Variants in LRRC7 observed in about 807,000 individuals in gnomAD.
LRRC7 encodes leucine-rich repeat-containing protein 7.
LRRC7 carries 23 observed loss-of-function variants against 175.7 expected under a neutral mutation model. That is an observed-to-expected ratio of 0.13 (90% confidence interval 0.09 to 0.19). The LOEUF (loss-of-function observed/expected upper bound fraction) is 0.19, where lower values mean the gene tolerates loss of function less well. Ranked by LOEUF, LRRC7 falls within the 10% of genes least tolerant of loss-of-function variation. The pLI, the probability that LRRC7 is intolerant of heterozygous loss-of-function variation, is 1.00. For synonymous variants in LRRC7, 685 were observed against 680.9 expected, an observed-to-expected ratio of 1.01 and a Z score of -0.09; for missense variants, 1,354 against 1,904.7, an observed-to-expected ratio of 0.71 and a Z score of 5.38.
chr1:69,890,616 T>A (rs1645805031), intron 7 of LRRC7, among the ~76,000 whole-genome samples: 1 of 152,242 alleles, frequency 6.6e-6, no homozygotes, highest in Admixed American at 6.5e-5. Flanking sequence ...GAAGCTTTGA[T>A]GGCAGGCATT....
rs1666622495 is a variant in LRRC7 at position 70,130,578 on chromosome 1, A to G, written c.*8691A>G. On this transcript the variant is annotated 3_prime_UTR_variant, in exon 27 of 27. Coordinates refer to ENST00000651989, the MANE Select transcript of LRRC7 (RefSeq NM_001370785.2). ...TTTTCTGCTGTGTTTCAGCAGTTAC[A>G]TTTAATTTTCCTTTTGTGTGTTCTA... is the stretch of plus-strand genomic sequence containing the variant. Among the ~76,000 whole-genome samples, 1 of 152,164 alleles carries G rather than the reference A, an allele frequency of 6.6e-6. No individual in the cohort carries two copies. The highest frequency in any genetic ancestry group is 6.5e-5 in the Admixed American group (1 of 15,274).
intron 8 of LRRC7, among the ~76,000 whole-genome samples, chr1:69,955,865 T>C (rs1190109562): frequency 6.6e-6 from 1 of 151,960 alleles, no homozygotes; most frequent in Admixed American, 6.6e-5. Flanking sequence ...CAATTAGCCC[T>C]CAAATGAGGG....
chr1:69,821,753 G>A (rs1679320598), intron 4 of LRRC7, among the ~76,000 whole-genome samples: 1 of 151,962 alleles, frequency 6.6e-6, no homozygotes, highest in Non-Finnish European at 1.5e-5. Context: ...AAATTAGCCT[G>A]GTGTGTTGGT....
At chr1:69,963,150 A>G (rs1256359961) in intron 8 of LRRC7, among the ~76,000 whole-genome samples, 1 of 151,642 alleles carries the variant, frequency 6.6e-6, no homozygotes, top group Non-Finnish European at 1.5e-5. Context: ...CTAAAAATAC[A>G]AAAAATTAGC....
chr1:70,039,353 C>T lies in LRRC7; in HGVS notation c.3529C>T (p.Pro1177Ser), dbSNP rs760477435. The change falls in exon 21 of 27, where the codon CCA (proline) becomes TCA (serine). Residue 1177 changes from proline (P) to serine (S), a missense_variant. Transcript: ENST00000651989. ...GGTCAATGAGCCTCATGAGCTGCCC[C>T]CAACTGATAGGTACGGCAGACCCCC... The part of the protein sequence containing the change: ...RRVNEPHELP[P>S]TDRYGRPPYR... 9 of 1,614,048 alleles carry T rather than the reference C, an allele frequency of 5.6e-6. No individual in the cohort carries two copies. The highest frequency in any genetic ancestry group is 4.5e-5 in the East Asian group (2 of 44,856).
intron 8 of LRRC7, among the ~76,000 whole-genome samples, chr1:69,966,744 A>AT (rs1399200537): frequency 6.6e-6 from 1 of 152,220 alleles, no homozygotes; most frequent in Non-Finnish European, 1.5e-5. Context: ...ACAGAAGAAG[A>AT]TTCTGACCTT....
At chr1:70,020,956 G>C in intron 15 of LRRC7, 49 bp from the exon 16 acceptor site, 2 of 1,524,164 alleles carry the variant, frequency 1.3e-6, no homozygotes, top group Non-Finnish European at 1.8e-6. Flanking sequence ...AATACTTTGT[G>C]TAAAATTGTT....
intron 11 of LRRC7, among the ~76,000 whole-genome samples, chr1:69,996,342 A>AT (rs1157573344): frequency 8.6e-5 from 13 of 151,986 alleles, no homozygotes; most frequent in African/African-American, 3.1e-4. Flanking sequence ...ATTTTCTCCC[A>AT]TTTTGTAGGT....
At chr1:70,076,018 C>CT in intron 23 of LRRC7, 59 bp from the exon 24 acceptor site, 1 of 1,585,670 alleles carries the variant, frequency 6.3e-7, no homozygotes, top group Non-Finnish European at 8.6e-7. Context: ...GTGCTTTCTA[C>CT]TTTAATCACA....
At chr1:69,595,700 T>TGG (rs1294006523) in intron 1 of LRRC7, among the ~76,000 whole-genome samples, 2 of 152,186 alleles carry the variant, frequency 1.3e-5, no homozygotes, top group African/African-American at 4.8e-5. Context: ...ATGTCAGATG[T>TGG]GGTGAAATGA....
chr1:69,853,605 C>A (rs183392699), intron 7 of LRRC7, among the ~76,000 whole-genome samples: 2 of 152,088 alleles, frequency 1.3e-5, no homozygotes, highest in East Asian at 3.9e-4. Context: ...AATTTTAAAT[C>A]ATTTCTGATA....
chr1:69,610,507 A>G (rs1648535225), intron 1 of LRRC7, among the ~76,000 whole-genome samples: 1 of 151,958 alleles, frequency 6.6e-6, no homozygotes, highest in Non-Finnish European at 1.5e-5. Flanking sequence ...TTCTATGTCT[A>G]TGATTACTAG....
chr1:69,624,466 T>G (rs1176187787), intron 1 of LRRC7, among the ~76,000 whole-genome samples: 2 of 152,112 alleles, frequency 1.3e-5, no homozygotes, highest in South Asian at 4.1e-4. Flanking sequence ...ACTCCATAAT[T>G]TGTTTTTTCC....
Position 70,125,525 on chromosome 1 carries a change from G to T in LRRC7, c.*3638G>T, listed in dbSNP as rs1004330242. Among the ~76,000 whole-genome samples the T allele has an allele frequency of 6.6e-6, 1 of 152,160 alleles. No homozygotes were observed. The highest frequency in any genetic ancestry group is 1.5e-5 in the Non-Finnish European group (1 of 68,022). ...TAAAGAGAGAGGGCCGGGCGCGGTG[G>T]CTCACGCCTGTAATCCCAGCACTTT... On this transcript the variant is annotated 3_prime_UTR_variant, in exon 27 of 27. Coordinates refer to ENST00000651989, the MANE Select transcript of LRRC7 (RefSeq NM_001370785.2).
At chr1:69,987,273 T>C (rs1169344051) in intron 10 of LRRC7, among the ~76,000 whole-genome samples, 1 of 152,170 alleles carries the variant, frequency 6.6e-6, no homozygotes, top group Non-Finnish European at 1.5e-5. Context: ...AAAGTTTATA[T>C]GAGTAAAATA....
chr1:69,791,248 A>G (rs371521888), intron 3 of LRRC7, among the ~76,000 whole-genome samples: 22 of 152,144 alleles, frequency 1.4e-4, no homozygotes, highest in African/African-American at 5.1e-4. Flanking sequence ...TCAAAATATG[A>G]TACTGCAAAC....
At chr1:69,591,174 T>A (rs184013325) in intron 1 of LRRC7, among the ~76,000 whole-genome samples, 1 of 152,206 alleles carries the variant, frequency 6.6e-6, no homozygotes. Context: ...ATTATAGGAG[T>A]TTGCTTGCTG....
chr1:69,700,224 A>G (rs561998181), intron 2 of LRRC7, among the ~76,000 whole-genome samples: 1 of 152,242 alleles, frequency 6.6e-6, no homozygotes, highest in East Asian at 1.9e-4. Context: ...TTTGGGTGAT[A>G]GTTTTATTAC....
At chr1:69,895,205 C>T (rs1021703156) in intron 7 of LRRC7, among the ~76,000 whole-genome samples, 1 of 152,096 alleles carries the variant, frequency 6.6e-6, no homozygotes, top group Non-Finnish European at 1.5e-5. Context: ...GCACTCCAGC[C>T]TGGGCAACAA....
Sources: gnomAD v4.1 joint callset for allele counts (sites outside exome capture counted in the v4.1 genomes callset) on GRCh38, gnomAD v4.1.1 for gene constraint, MANE v1.5 for transcripts, NCBI Gene and HGNC (gene_info 2026-07-23, HGNC 2026-07-21) for gene names.